The following MYH4 variants were observed in gnomAD, a reference collection of about 807,000 sequenced individuals.
MYH4 encodes the protein myosin heavy chain 4.
Under a neutral mutation model 229.9 loss-of-function variants are expected in MYH4, and 200 were observed. That is an observed-to-expected ratio of 0.87 (90% CI 0.78 to 0.98). The LOEUF is 0.98. Among genes scored for constraint, MYH4 ranks in the 50% least tolerant of loss-of-function variants. MYH4 has a pLI of 0.00. For synonymous variants in MYH4, 761 were observed against 834.6 expected (o/e 0.91, Z 1.52); for missense variants, 2,148 against 2,332.6 (o/e 0.92, Z 1.63).
At position 10,459,320 on chromosome 17, in the gene MYH4, C is replaced by T. The variant is rs1287866862; in HGVS notation, c.1518G>A (p.Lys506=). 6.2e-7 allele frequency: 1 copy of T among 1,614,012 alleles called. No individual in the cohort carries two copies. The highest frequency in any genetic ancestry group is 8.5e-7 in the Non-Finnish European group (1 of 1,180,028). The change falls in exon 15 of 40, where the codon AAG becomes AAA. Residue 506 remains lysine, a synonymous_variant. Transcript: ENST00000255381. ...MFVLEQEEYK[K]EGIEWEFIDF... Reference sequence around the variant, plus strand: ...CAATGAACTCCCACTCGATGCCTTCCTTCTTGTACTCTTCCTGCTCCAGCA... The same window carrying T: ...CAATGAACTCCCACTCGATGCCTTCTTTCTTGTACTCTTCCTGCTCCAGCA...
chr17:10,446,904 G>A (rs1316945183), intron 35 of MYH4, 109 bp downstream of exon 35: 1 of 1,128,730 alleles, frequency 8.9e-7, no homozygotes, highest in East Asian at 2.4e-5. Context: ...ATTTTCCAGA[G>A]CTCCAGGAAG....
At position 10,465,482 on chromosome 17, in the gene MYH4, G is replaced by A. The variant is rs751453116; in HGVS notation, c.465C>T (p.Ile155=). 4 of 1,614,114 alleles carry A rather than the reference G, an allele frequency of 2.5e-6. No homozygotes were observed. In the East Asian group the frequency reaches 6.7e-5, roughly 27 times the overall value. ...GATAGGCATTGTCAGAGATGGAGAA[G>A]ATATGGGGTGGGGCCTCCTGGCGCT... ...GKKRQEAPPH[I]FSISDNAYQF... Residue 155 remains isoleucine, a synonymous_variant, in exon 5 of 40, where the codon ATC becomes ATT. Coordinates refer to ENST00000255381, the MANE Select transcript of MYH4 (RefSeq NM_017533.2).
intron 35 of MYH4, 100 bp downstream of exon 35, chr17:10,446,913 A>G: frequency 1.6e-6 from 2 of 1,237,734 alleles, no homozygotes; most frequent in Non-Finnish European, 2.3e-6. Flanking sequence ...AGCTCCAGGA[A>G]GGGACGAAGA....
At chr17:10,449,139 C>G (rs2072545813) in intron 30 of MYH4, 92 bp from the exon 31 acceptor site, 2 of 1,083,270 alleles carry the variant, frequency 1.8e-6, no homozygotes, top group East Asian at 4.8e-5. Flanking sequence ...GCATATTTCC[C>G]CAAGAGTTGT....
At chr17:10,462,080 G>A (rs2072709331) in intron 11 of MYH4, among the ~76,000 whole-genome samples, 1 of 152,120 alleles carries the variant, frequency 6.6e-6, no homozygotes, top group Admixed American at 6.5e-5. Context: ...CCACACAAAT[G>A]AATTATTGAC....
rs780822852 is a variant in MYH4 at position 10,454,677 on chromosome 17, T to C, written c.2569A>G (p.Lys857Glu). ...TCTTTGGTTTTCTCAAATTCTTCCT[T>C]CATGTTGGCCATCTCCTTCTCTGTC... The part of the protein sequence containing the change: ...AETEKEMANM[K>E]EEFEKTKEEL... The change falls in exon 22 of 40, where the codon AAG becomes GAG. Residue 857 changes from lysine (K) to glutamate (E), a missense_variant. By Grantham distance (56) the Lys-to-Glu change is moderately conservative. Coordinates refer to ENST00000255381, the MANE Select transcript of MYH4 (RefSeq NM_017533.2). The C allele has an allele frequency of 6.2e-7, 1 of 1,614,210 alleles. No homozygotes were observed. The highest frequency in any genetic ancestry group is 8.5e-7 in the Non-Finnish European group (1 of 1,180,036).
rs2072717280 is a variant in MYH4 at position 10,462,864 on chromosome 17, C to T, written c.1008+1G>A. ...TTTACTACTTTGTACCTATTACTTACATCTGTGGCCATCAGCTCTTCCTGG... is the reference window on the plus strand; with the variant it reads ...TTTACTACTTTGTACCTATTACTTATATCTGTGGCCATCAGCTCTTCCTGG... On this transcript the variant is annotated splice_donor_variant, in intron 11 of 39. Transcript: ENST00000255381. LOFTEE classifies it high-confidence loss of function. 6.2e-7 allele frequency: 1 copy of T among 1,611,472 alleles called. No homozygotes were observed. The highest frequency in any genetic ancestry group is 8.5e-7 in the Non-Finnish European group (1 of 1,178,196).
Position 10,465,591 on chromosome 17 carries a change from G to A in MYH4, c.356C>T (p.Ser119Leu), listed in dbSNP as rs1403812184. 3.7e-6 allele frequency: 6 copies of A among 1,614,024 alleles called. No individual in the cohort carries two copies. Among genetic ancestry groups the A allele is most frequent in the South Asian group, 1.1e-5 (1 of 91,074 alleles). The change falls in exon 5 of 40, where the codon TCG becomes TTG. Residue 119 changes from serine to leucine, a missense_variant. Physicochemically the swap from Ser to Leu is moderately radical, Grantham distance 145. Coordinates refer to ENST00000255381, the MANE Select transcript of MYH4 (RefSeq NM_017533.2). ...GTTGACGGTGACACAGAAGAGGCCC[G>A]AGTAGGTCTGTGGGAAAGGACGGGG... ...RYAAWMIYTY[S>L]GLFCVTVNPY...
rs1271513302 is a variant in MYH4, at chr17:10,451,965, G to A, written c.3714C>T (p.Asn1238=). ...LKMEINDLAS[N]METVSKAKAN... Reference sequence around the variant, plus strand: ...CCTTGGCTTTGGAGACAGTCTCCATGTTACTAGCAAGGTCATTGATCTCCA... The same window carrying A: ...CCTTGGCTTTGGAGACAGTCTCCATATTACTAGCAAGGTCATTGATCTCCA... The change falls in exon 27 of 40, where the codon AAC becomes AAT. Residue 1238 remains asparagine, a synonymous_variant. Coordinates refer to ENST00000255381, the MANE Select transcript of MYH4 (RefSeq NM_017533.2). 1 of 1,611,620 alleles carries A rather than the reference G, an allele frequency of 6.2e-7. No homozygotes were observed. Among genetic ancestry groups the A allele is most frequent in the African/African-American group, 1.3e-5 (1 of 74,862 alleles).
intron 4 of MYH4, among the ~76,000 whole-genome samples, 175 bp from the exon 5 acceptor site, chr17:10,465,773 T>TCC (rs369734492): frequency 7.3e-6 from 1 of 137,650 alleles, no homozygotes; most frequent in African/African-American, 2.7e-5. Flanking sequence ...AGTTTTTCTT[T>TCC]TTTTTTTTTT....
At chr17:10,448,344 TATTA>T in intron 33 of MYH4, 48 bp downstream of exon 33, 1 of 1,561,560 alleles carries the variant, frequency 6.4e-7, no homozygotes, top group Non-Finnish European at 8.7e-7. Flanking sequence ...TCTCAGTTGC[TATTA>T]ATTTTCAATT....
Position 10,451,338 on chromosome 17 carries a change from G to C in MYH4, c.3853C>G (p.His1285Asp). 3.1e-6 allele frequency: 5 copies of C among 1,613,922 alleles called. No individual in the cohort carries two copies. Among genetic ancestry groups the C allele is most frequent in the African/African-American group, 2.7e-5 (2 of 75,056 alleles). ...TTTATTTACTGACCTGATTCTGTGT[G>C]TAAACGTGCCTTCTGGGCTGACAAC... Reference protein sequence around the residue: ...NELSAQKARLHTESGEFSRQL... With the variant: ...NELSAQKARLDTESGEFSRQL... Residue 1285 changes from histidine (H) to aspartate (D), a missense_variant, in exon 28 of 40, where the codon CAC becomes GAC. Transcript: ENST00000255381.
rs757240846 is a variant in MYH4 at position 10,446,991 on chromosome 17, AAAC to A, written c.5169+19_5169+21del. The A allele has an allele frequency of 6.2e-7, 1 of 1,607,040 alleles. No homozygotes were observed. Among genetic ancestry groups the A allele is most frequent in the South Asian group, 1.1e-5 (1 of 90,546 alleles). On this transcript the variant is annotated intron_variant, in intron 35 of 39. Transcript: ENST00000255381. The stretch of plus-strand genomic sequence containing the variant: ...TTCAGCTTCAGGGAGTACATTTTCT[AAAC>A]CATAGTCTTGAACCTCACCTGAGTG...
rs1256887047 is a variant in MYH4, at chr17:10,450,487, C to T, written c.4147G>A (p.Ala1383Thr). 4 of 1,614,028 alleles carry T rather than the reference C, an allele frequency of 2.5e-6. No homozygotes were observed. Among genetic ancestry groups the T allele is most frequent in the Admixed American group, 1.7e-5 (1 of 60,018 alleles). Residue 1383 changes from alanine to threonine, a missense_variant, in exon 30 of 40, where the codon GCC (alanine) becomes ACC (threonine). By Grantham distance (58) the Ala-to-Thr change is moderately conservative. Transcript: ENST00000255381. ...AQWRTKYETDAIQRTEELEEA... is the reference protein window; with the variant it reads ...AQWRTKYETDTIQRTEELEEA... The stretch of plus-strand genomic sequence containing the variant: ...TCCAGCTCCTCTGTGCGCTGGATGG[C>T]GTCCGTCTCGTACTTGGTCCTCCAC...
rs1276394074 is a variant in MYH4, at chr17:10,448,780, G to A, written c.4369C>T (p.Leu1457=). The change falls in exon 32 of 40, where the codon CTG becomes TTG. Residue 1457 remains leucine (L), a synonymous_variant. Transcript: ENST00000255381. ...DKKQRNFDKV[L]AEWKQKYEET... is the part of the protein sequence containing the mutation. The stretch of plus-strand genomic sequence containing the variant: ...TCATACTTCTGTTTCCATTCTGCCA[G>A]AACCTGGAAGTATATAGAAAATAAG... The A allele has an allele frequency of 6.8e-6, 11 of 1,613,486 alleles. No individual in the cohort carries two copies. The highest frequency in any genetic ancestry group is 9.3e-6 in the Non-Finnish European group (11 of 1,179,890).
rs1248638836 is a variant in MYH4 at position 10,455,010 on chromosome 17, A to G, written c.2366T>C (p.Ile789Thr). The G allele has an allele frequency of 1.2e-6, 2 of 1,614,206 alleles. No homozygotes were observed. Among genetic ancestry groups the G allele is most frequent in the Non-Finnish European group, 1.7e-6 (2 of 1,180,048 alleles). Reference protein sequence around the residue: ...EMRDEKLAQLITRTQAICRGF... With the variant: ...EMRDEKLAQLTTRTQAICRGF... Reference sequence around the variant, plus strand: ...TCTGCATATGGCTTGAGTGCGCGTGATGAGTTGAGCTAGCTTTTCATCTCG... The same window carrying G: ...TCTGCATATGGCTTGAGTGCGCGTGGTGAGTTGAGCTAGCTTTTCATCTCG... Residue 789 changes from isoleucine to threonine, a missense_variant, in exon 21 of 40, where the codon ATC becomes ACC. Ile to Thr is a moderately conservative substitution (Grantham distance 89, BLOSUM62 -1). Coordinates refer to ENST00000255381, the MANE Select transcript of MYH4 (RefSeq NM_017533.2).
rs1285466974 is a variant in MYH4, at chr17:10,444,954, G to T, written c.5466+22C>A. ...TGGCTGTAACTGGCCACAAGGAATT[G>T]AGTGAAGTTGTGGAGACCTACCCTG... is the stretch of plus-strand genomic sequence containing the variant. On this transcript the variant is annotated intron_variant, in intron 37 of 39. Transcript: ENST00000255381. 6.2e-6 allele frequency: 10 copies of T among 1,614,020 alleles called. 1 individual carries two copies. Among genetic ancestry groups the T allele is most frequent in the Non-Finnish European group, 8.5e-6 (10 of 1,180,024 alleles).
Position 10,452,489 on chromosome 17 carries a change from C to T in MYH4, c.3275G>A (p.Ser1092Asn). Residue 1092 changes from serine to asparagine, a missense_variant, in exon 26 of 40, where the codon AGC becomes AAC. Coordinates refer to ENST00000255381, the MANE Select transcript of MYH4 (RefSeq NM_017533.2). ...EKLKKKEFEMSNLQGKIEDEQ... is the reference protein window; with the variant it reads ...EKLKKKEFEMNNLQGKIEDEQ... ...ATCTTCAATCTTGCCTTGCAGATTG[C>T]TCATTTCAAACTCTTTCCTATTAGA... is the stretch of plus-strand genomic sequence containing the variant. 3 of 1,613,948 alleles carry T rather than the reference C, an allele frequency of 1.9e-6. No homozygotes were observed. Among genetic ancestry groups the T allele is most frequent in the Non-Finnish European group, 2.5e-6 (3 of 1,179,928 alleles).
Position 10,460,195 on chromosome 17 carries a change from A to G in MYH4, c.1266+8T>C, listed in dbSNP as rs773941523. The stretch of plus-strand genomic sequence containing the variant: ...TCAAATAAATCAGACAATTTAAGTC[A>G]TGTTTACCTGCTGCACAGTCTGGCC... On this transcript the variant is annotated splice_region_variant and intron_variant, in intron 13 of 39. Transcript: ENST00000255381. The G allele has an allele frequency of 3.1e-6, 5 of 1,613,628 alleles. No homozygotes were observed. In the African/African-American group the frequency reaches 5.3e-5, roughly 17 times the overall value.
Sources: allele counts gnomAD v4.1 joint callset (sites outside exome capture counted in the v4.1 genomes callset), GRCh38; gene constraint gnomAD v4.1.1; transcripts MANE v1.5; gene names NCBI Gene and HGNC (gene_info 2026-07-23, HGNC 2026-07-21).